GPC6: variants seen among roughly 807,000 people sequenced by gnomAD.
The protein encoded by GPC6 is glypican 6.
GPC6 carries 14 observed loss-of-function variants against 55.2 expected under a neutral mutation model. That is an observed-to-expected ratio of 0.25 (90% CI 0.17 to 0.40). The LOEUF (loss-of-function observed/expected upper bound fraction) is 0.40, where lower values mean the gene tolerates loss of function less well. GPC6 is among the 10% of genes least tolerant of loss of function. The probability of loss-of-function intolerance (pLI) is 1.00; values close to 1 mark genes in which losing one functional copy is unlikely to be tolerated. For missense variants in GPC6, 641 were observed against 708.5 expected, an observed-to-expected ratio of 0.90 and a Z score of 1.08; for synonymous variants, 278 against 259.6, an observed-to-expected ratio of 1.07 and a Z score of -0.68.
chr13:93,282,670 A>G (rs968513621), intron 1 of GPC6, among the ~76,000 whole-genome samples: 1 of 152,138 alleles, frequency 6.6e-6, no homozygotes, highest in Admixed American at 6.6e-5. Flanking sequence ...AAATAATCAA[A>G]TATTTTACAC....
intron 2 of GPC6, among the ~76,000 whole-genome samples, chr13:93,823,238 T>C (rs1344585109): frequency 6.6e-6 from 1 of 152,114 alleles, no homozygotes; most frequent in Non-Finnish European, 1.5e-5. Flanking sequence ...AATATGAATT[T>C]ATCCACTGTC....
chr13:93,325,698 C>G (rs139602342), intron 1 of GPC6, among the ~76,000 whole-genome samples: 1 of 152,022 alleles, frequency 6.6e-6, no homozygotes, highest in African/African-American at 2.4e-5. Flanking sequence ...AACAAACTGC[C>G]CTTGTACTCC....
At chr13:93,735,993 T>C (rs1883987554) in intron 2 of GPC6, among the ~76,000 whole-genome samples, 1 of 152,226 alleles carries the variant, frequency 6.6e-6, no homozygotes, top group Non-Finnish European at 1.5e-5. Context: ...CACTTCAAAA[T>C]TGATCTTAAA....
intron 3 of GPC6, among the ~76,000 whole-genome samples, chr13:94,005,516 G>A (rs1195521808): frequency 1.3e-5 from 2 of 152,116 alleles, no homozygotes; most frequent in Non-Finnish European, 2.9e-5. Flanking sequence ...TCCAAGTTTG[G>A]AAATTTGCAT....
intron 1 of GPC6, among the ~76,000 whole-genome samples, chr13:93,329,532 A>T (rs1221144006): frequency 6.6e-6 from 1 of 152,188 alleles, no homozygotes; most frequent in East Asian, 1.9e-4. Flanking sequence ...GCTAATAGGG[A>T]TTTATGTTAT....
At chr13:94,008,022 A>T (rs1190285513) in intron 3 of GPC6, among the ~76,000 whole-genome samples, 2 of 152,150 alleles carry the variant, frequency 1.3e-5, no homozygotes, top group Middle Eastern at 3.2e-3. Flanking sequence ...TTCATTCCAA[A>T]ATATCATAAA....
intron 4 of GPC6, 33 bp from the exon 5 acceptor site, chr13:94,286,316 T>C (rs376811006): frequency 1.3e-4 from 205 of 1,612,834 alleles, no homozygotes; most frequent in Non-Finnish European, 1.6e-4. Context: ...AGCTCCCAGT[T>C]TGCAAATAAA....
chr13:93,545,524 C>A, intron 2 of GPC6, 103 bp downstream of exon 2: 1 of 949,334 alleles, frequency 1.1e-6, no homozygotes, highest in Non-Finnish European at 1.7e-6. Context: ...GCTTTTCTAT[C>A]CCTCTTAAAT....
At chr13:94,097,506 C>CACAAA (rs1451764188) in intron 4 of GPC6, among the ~76,000 whole-genome samples, 9 of 70,238 alleles carry the variant, frequency 1.3e-4, no homozygotes, top group Non-Finnish European at 1.8e-4. Context: ...GACTCTGTCT[C>CACAAA]AAAAAAAAAA....
At chr13:93,745,915 A>G (rs887276205) in intron 2 of GPC6, among the ~76,000 whole-genome samples, 2 of 152,174 alleles carry the variant, frequency 1.3e-5, no homozygotes, top group African/African-American at 4.8e-5. Flanking sequence ...GACTTTCACA[A>G]TCCATGATTT....
At chr13:93,354,375 G>A in intron 1 of GPC6, among the ~76,000 whole-genome samples, 1 of 73,502 alleles carries the variant, frequency 1.4e-5, no homozygotes, top group African/African-American at 7.6e-5. Context: ...TTTTGAGACA[G>A]AGTCTCGCTG....
intron 2 of GPC6, among the ~76,000 whole-genome samples, chr13:93,714,971 T>C (rs1258516338): frequency 5.9e-5 from 9 of 151,604 alleles, no homozygotes; most frequent in Non-Finnish European, 1.3e-4. Context: ...ATATTTTTAC[T>C]ATGGAAATAC....
chr13:93,402,365 G>T (rs1331923864), intron 1 of GPC6, among the ~76,000 whole-genome samples: 1 of 152,074 alleles, frequency 6.6e-6, no homozygotes, highest in Non-Finnish European at 1.5e-5. Flanking sequence ...TTTGTAGCAC[G>T]CCATCCCAGA....
At chr13:94,209,799 T>C (rs969742488) in intron 4 of GPC6, among the ~76,000 whole-genome samples, 8 of 152,134 alleles carry the variant, frequency 5.3e-5, no homozygotes, top group African/African-American at 1.9e-4. Flanking sequence ...TGAGTGTTCA[T>C]TGTACCATTT....
At chr13:93,534,790 A>G (rs1467225896) in intron 1 of GPC6, among the ~76,000 whole-genome samples, 1 of 152,164 alleles carries the variant, frequency 6.6e-6, no homozygotes, top group Non-Finnish European at 1.5e-5. Context: ...TATGTCCTTG[A>G]GCTCATTCTG....
intron 7 of GPC6, among the ~76,000 whole-genome samples, chr13:94,395,896 ACCC>A (rs1479106113): frequency 6.6e-6 from 1 of 152,172 alleles, no homozygotes; most frequent in Non-Finnish European, 1.5e-5. Context: ...GCCCTCCAGG[ACCC>A]TCTACAAGCT....
At chr13:93,763,467 T>C (rs1885015733) in intron 2 of GPC6, among the ~76,000 whole-genome samples, 1 of 152,184 alleles carries the variant, frequency 6.6e-6, no homozygotes, top group South Asian at 2.1e-4. Context: ...TCATAGGACT[T>C]TGGGTAGCCC....
chr13:93,522,242 T>A (rs1313311956), intron 1 of GPC6, among the ~76,000 whole-genome samples: 1 of 151,998 alleles, frequency 6.6e-6, no homozygotes, highest in Non-Finnish European at 1.5e-5. Context: ...ATGCAAATGA[T>A]TCTTGTCTGT....
chr13:94,015,199 G>T (rs1024083485), intron 3 of GPC6, among the ~76,000 whole-genome samples: 1 of 152,118 alleles, frequency 6.6e-6, no homozygotes, highest in Admixed American at 6.6e-5. Flanking sequence ...ACCCACACTG[G>T]TTATTATCTG....
Sources: allele counts gnomAD v4.1 joint callset (sites outside exome capture counted in the v4.1 genomes callset), GRCh38; gene constraint gnomAD v4.1.1; transcripts MANE v1.5; gene names NCBI Gene and HGNC (gene_info 2026-07-23, HGNC 2026-07-21).